MGA: variants seen among roughly 807,000 people sequenced by gnomAD.
The protein encoded by MGA is MAX gene-associated protein.
Under a neutral mutation model 261.1 loss-of-function variants are expected in MGA, and 40 were observed. The ratio of observed to expected loss-of-function variants is 0.15; its 90% CI spans 0.12 to 0.20. MGA has a LOEUF of 0.20. Ranked by LOEUF, MGA falls within the 10% of genes least tolerant of loss-of-function variation. The pLI, the probability that MGA is intolerant of heterozygous loss-of-function variation, is 1.00. For synonymous variants in MGA, 1,302 were observed against 1,290.6 expected (o/e 1.01, Z -0.19); for missense variants, 3,397 against 3,630.5 (o/e 0.94, Z 1.65).
chr15:41,721,710 C>CTAT (rs919477998), intron 9 of MGA, among the ~76,000 whole-genome samples: 3 of 152,182 alleles, frequency 2.0e-5, no homozygotes, highest in African/African-American at 7.2e-5. Flanking sequence ...CTAATACCAA[C>CTAT]TATTGATAAA....
At chr15:41,682,069 C>T (rs775758597) in intron 2 of MGA, among the ~76,000 whole-genome samples, 43 of 152,018 alleles carry the variant, frequency 2.8e-4, no homozygotes, top group Middle Eastern at 3.4e-3. Context: ...AGGCATGTGC[C>T]ACCATGCCCG....
intron 1 of MGA, among the ~76,000 whole-genome samples, chr15:41,624,190 A>C (rs1451333546): frequency 1.3e-5 from 2 of 150,464 alleles, no homozygotes. Flanking sequence ...TCAGCCTCCC[A>C]AGTAGCTGGG....
chr15:41,648,215 C>G (rs527267198), intron 1 of MGA, among the ~76,000 whole-genome samples: 108 of 152,334 alleles, frequency 7.1e-4, no homozygotes, highest in South Asian at 1.9e-3. Context: ...AAAGCTTACT[C>G]TATAGCATAG....
intron 3 of MGA, among the ~76,000 whole-genome samples, chr15:41,697,595 T>C (rs1243990594): frequency 1.3e-5 from 2 of 151,964 alleles, no homozygotes; most frequent in Non-Finnish European, 2.9e-5. Context: ...TTTTGTAATT[T>C]TGGTAGAGAC....
chr15:41,707,202 T>G (rs1025552446), intron 5 of MGA, among the ~76,000 whole-genome samples: 1 of 152,222 alleles, frequency 6.6e-6, no homozygotes, highest in Non-Finnish European at 1.5e-5. Context: ...TAAAACGATA[T>G]ATTTACTGTA....
intron 19 of MGA, among the ~76,000 whole-genome samples, chr15:41,758,612 T>C (rs941676171): frequency 3.9e-5 from 6 of 152,206 alleles, no homozygotes; most frequent in Non-Finnish European, 7.4e-5. Flanking sequence ...CTTATTTACA[T>C]AATTCATTGT....
chr15:41,748,577 T>C, intron 15 of MGA, 60 bp from the exon 16 acceptor site: 1 of 1,524,076 alleles, frequency 6.6e-7, no homozygotes, highest in Non-Finnish European at 8.8e-7. Flanking sequence ...TGAATACTTT[T>C]TTTTCCTACG....
chr15:41,651,612 C>T (rs1229524307), intron 1 of MGA, among the ~76,000 whole-genome samples: 1 of 146,098 alleles, frequency 6.8e-6, no homozygotes, highest in African/African-American at 2.6e-5. Flanking sequence ...TTTCCCTTTT[C>T]CCCTCTCCTC....
At chr15:41,648,431 T>C (rs2056976540) in intron 1 of MGA, among the ~76,000 whole-genome samples, 1 of 152,234 alleles carries the variant, frequency 6.6e-6, no homozygotes, top group Admixed American at 6.5e-5. Context: ...CTGTTATTCA[T>C]GGAGGAGACA....
chr15:41,699,335 G>C (rs1161677143), intron 5 of MGA, among the ~76,000 whole-genome samples, 176 bp downstream of exon 5: 4 of 149,566 alleles, frequency 2.7e-5, no homozygotes, highest in Non-Finnish European at 5.9e-5. Context: ...TCTCTTCTCT[G>C]TCTCCATAAT....
Position 41,767,136 on chromosome 15 carries a change from T to C in MGA, c.9054T>C (p.Ala3018=). ...TGATGCCTTGTTTGGCACCTATAGC[T>C]GCCAAAGTTGGGTCAGTTGGACACA... Residue 3018 remains alanine, a synonymous_variant, in exon 24 of 24, where the codon GCT becomes GCC. Coordinates refer to ENST00000219905, the MANE Select transcript of MGA (RefSeq NM_001164273.2). The C allele has an allele frequency of 6.2e-7, 1 of 1,613,962 alleles. No homozygotes were observed. Among genetic ancestry groups the C allele is most frequent in the Non-Finnish European group, 8.5e-7 (1 of 1,179,878 alleles).
intron 2 of MGA, among the ~76,000 whole-genome samples, chr15:41,670,687 T>C (rs1366309996): frequency 2.6e-5 from 4 of 152,138 alleles, no homozygotes; most frequent in Non-Finnish European, 5.9e-5. Context: ...TCTATATTTT[T>C]GGTAGAGACA....
intron 1 of MGA, among the ~76,000 whole-genome samples, chr15:41,642,681 A>C (rs2056847553): frequency 6.6e-6 from 1 of 151,860 alleles, no homozygotes; most frequent in African/African-American, 2.4e-5. Flanking sequence ...ACGGGGTTTT[A>C]CCAGGATGGT....
chr15:41,656,768 CTCTTT>C (rs1480172259), upstream of MGA, among the ~76,000 whole-genome samples: 2 of 152,084 alleles, frequency 1.3e-5, no homozygotes, highest in African/African-American at 4.8e-5. Context: ...GATTAAGAAA[CTCTTT>C]TCTTTCTTTA....
chr15:41,665,865 A>G (rs1178802042), intron 1 of MGA, among the ~76,000 whole-genome samples: 1 of 152,086 alleles, frequency 6.6e-6, no homozygotes, highest in Non-Finnish European at 1.5e-5. Context: ...ATCATACAAT[A>G]TATGTGACCT....
chr15:41,742,703 G>T lies in MGA; in HGVS notation c.4743G>T (p.Val1581=). ...CTCCAGTAATGGTCGTCACACCTGT[G>T]GTTTCTTCTGAGCCAGTTCAGGTGT... Residue 1581 remains valine, a synonymous_variant, in exon 15 of 24, where the codon GTG becomes GTT. Transcript: ENST00000219905. 1.2e-6 allele frequency: 2 copies of T among 1,613,946 alleles called. No homozygotes were observed. Among genetic ancestry groups the T allele is most frequent in the Non-Finnish European group, 1.7e-6 (2 of 1,179,868 alleles).
chr15:41,662,555 G>A (rs552250890), intron 1 of MGA, among the ~76,000 whole-genome samples: 1 of 152,298 alleles, frequency 6.6e-6, no homozygotes, highest in African/African-American at 2.4e-5. Context: ...TAAATGGCAA[G>A]TACCATTTAT....
Position 41,749,218 on chromosome 15 carries a change from G to T in MGA, c.5611G>T (p.Val1871Phe), listed in dbSNP as rs1282527899. The T allele has an allele frequency of 6.2e-7, 1 of 1,613,986 alleles. No homozygotes were observed. The highest frequency in any genetic ancestry group is 8.5e-7 in the Non-Finnish European group (1 of 1,179,896). ...TGTCATGAATCCTGTAATTCAAGCT[G>T]TTGGGTCTTCTTCAGCAGTGAATGT... Residue 1871 changes from valine (V) to phenylalanine (F), a missense_variant, in exon 17 of 24, where the codon GTT becomes TTT. Physicochemically the swap from Val to Phe is conservative, Grantham distance 50 (BLOSUM62 -1). Transcript: ENST00000219905.
At chr15:41,640,461 ACAT>A (rs2056798677) in intron 1 of MGA, among the ~76,000 whole-genome samples, 1 of 152,172 alleles carries the variant, frequency 6.6e-6, no homozygotes, top group Non-Finnish European at 1.5e-5. Flanking sequence ...GTAAGATTGT[ACAT>A]CATTTGAACC....
Sources: gnomAD v4.1 joint callset for allele counts (sites outside exome capture counted in the v4.1 genomes callset) on GRCh38, gnomAD v4.1.1 for gene constraint, MANE v1.5 for transcripts, NCBI Gene and HGNC (gene_info 2026-07-23, HGNC 2026-07-21) for gene names.